LRFN2: variants seen among roughly 807,000 people sequenced by gnomAD.
The protein encoded by LRFN2 is leucine-rich repeat and fibronectin type-III domain-containing protein 2.
A neutral mutation model predicts 37.3 loss-of-function variants in LRFN2; 18 were observed. The ratio of observed to expected loss-of-function variants is 0.48; its 90% CI spans 0.33 to 0.72. The LOEUF is 0.72. LRFN2 is among the 30% of genes least tolerant of loss of function. The pLI, the probability that LRFN2 is intolerant of heterozygous loss-of-function variation, is 0.02. For synonymous variants in LRFN2, 556 were observed against 466.6 expected (o/e 1.19, Z -2.47); for missense variants, 1,006 against 1,060.7 (o/e 0.95, Z 0.72).
At chr6:40,489,873 C>T (rs989891565) in intron 1 of LRFN2, among the ~76,000 whole-genome samples, 8 of 152,170 alleles carry the variant, frequency 5.3e-5, no homozygotes, top group Admixed American at 1.3e-4. Flanking sequence ...TGCTGCACTC[C>T]GTAGGCATGC....
intron 1 of LRFN2, among the ~76,000 whole-genome samples, chr6:40,462,785 A>C (rs1764374298): frequency 6.6e-6 from 1 of 152,218 alleles, no homozygotes; most frequent in Non-Finnish European, 1.5e-5. Flanking sequence ...AGTGGAAGCC[A>C]GGTCAGTCTG....
chr6:40,506,601 G>A (rs1765546858), intron 1 of LRFN2, among the ~76,000 whole-genome samples: 5 of 152,076 alleles, frequency 3.3e-5, no homozygotes, highest in Admixed American at 2.6e-4. Flanking sequence ...GCATGCTGGC[G>A]GGTTCCCCAG....
At position 40,480,145 on chromosome 6, in the gene LRFN2, G is replaced by A. The variant is rs577374864; in HGVS notation, c.-18-47014C>T. 7.9e-5 allele frequency among the ~76,000 whole-genome samples: 12 copies of A among 152,268 alleles called. No homozygotes were observed. In the South Asian group the frequency reaches 2.5e-3, roughly 32 times the overall value. The stretch of plus-strand genomic sequence containing the variant: ...CTTATTTACTCTTTATACAGCACTG[G>A]GTATTATTATCCCTGTTTCTCAGAT... On this transcript the variant is annotated intron_variant, in intron 1 of 2. Coordinates refer to ENST00000338305, the MANE Select transcript of LRFN2 (RefSeq NM_020737.3).
At chr6:40,529,675 G>A (rs931902652) in intron 1 of LRFN2, among the ~76,000 whole-genome samples, 2 of 152,190 alleles carry the variant, frequency 1.3e-5, no homozygotes, top group Non-Finnish European at 2.9e-5. Flanking sequence ...ACTTGGAGCT[G>A]TCTGGGTTCA....
chr6:40,518,965 C>G (rs565897951), intron 1 of LRFN2, among the ~76,000 whole-genome samples: 17 of 152,032 alleles, frequency 1.1e-4, no homozygotes, highest in African/African-American at 4.1e-4. Flanking sequence ...GAGCTCAGCA[C>G]GTTCAGTGGG....
chr6:40,528,726 G>A lies in LRFN2; in HGVS notation c.-19+58215C>T, dbSNP rs575550346. 9.2e-5 allele frequency among the ~76,000 whole-genome samples: 14 copies of A among 152,112 alleles called. No individual in the cohort carries two copies. The South Asian group carries it at 1.9e-3, about 20-fold the overall frequency. ...AGTGTACTGAATGCTAATTGCCTTC[G>A]CATCATTGTAAAGTCAGAAATCCTA... On this transcript the variant is annotated intron_variant, in intron 1 of 2. Coordinates refer to ENST00000338305, the MANE Select transcript of LRFN2 (RefSeq NM_020737.3).
chr6:40,474,028 A>G (rs886757796), intron 1 of LRFN2, among the ~76,000 whole-genome samples: 2 of 152,138 alleles, frequency 1.3e-5, no homozygotes, highest in Admixed American at 6.5e-5. Flanking sequence ...CAGTCATGCA[A>G]AATGGTCTTA....
At chr6:40,442,385 G>A (rs1376058109) in intron 1 of LRFN2, among the ~76,000 whole-genome samples, 2 of 152,190 alleles carry the variant, frequency 1.3e-5, no homozygotes, top group East Asian at 1.9e-4. Flanking sequence ...AGGAGGCTAG[G>A]TAGCATTAAA....
chr6:40,524,117 A>G (rs1484832535), intron 1 of LRFN2, among the ~76,000 whole-genome samples: 1 of 152,214 alleles, frequency 6.6e-6, no homozygotes, highest in Non-Finnish European at 1.5e-5. Flanking sequence ...ACTGGGGGAT[A>G]ATGTCCCCAT....
intron 2 of LRFN2, among the ~76,000 whole-genome samples, chr6:40,403,176 G>A (rs1030638437): frequency 3.3e-5 from 5 of 152,156 alleles, no homozygotes; most frequent in South Asian, 4.1e-4. Flanking sequence ...CTCTGGAGCC[G>A]GTGTCTCATA....
intron 1 of LRFN2, among the ~76,000 whole-genome samples, chr6:40,471,538 A>T (rs1764595175): frequency 1.3e-5 from 2 of 152,124 alleles, no homozygotes; most frequent in Admixed American, 1.3e-4. Flanking sequence ...GCCCGGTTCA[A>T]ATTCCTGCTC....
chr6:40,498,380 A>G (rs1765285657), intron 1 of LRFN2, among the ~76,000 whole-genome samples: 1 of 152,214 alleles, frequency 6.6e-6, no homozygotes, highest in African/African-American at 2.4e-5. Context: ...TGCCAGGGCC[A>G]TTGGCGGAGA....
At chr6:40,399,600 G>A (rs891245177) in intron 2 of LRFN2, among the ~76,000 whole-genome samples, 6 of 151,228 alleles carry the variant, frequency 4.0e-5, no homozygotes, top group African/African-American at 1.2e-4. Context: ...ACCAAGCCTG[G>A]CTAATTTTTT....
intron 2 of LRFN2, among the ~76,000 whole-genome samples, chr6:40,422,084 T>A (rs543824515): frequency 2.6e-5 from 4 of 152,282 alleles, no homozygotes; most frequent in African/African-American, 9.6e-5. Flanking sequence ...GTAAAAAAAA[T>A]GGCTCCAGTG....
intron 2 of LRFN2, among the ~76,000 whole-genome samples, chr6:40,406,716 C>T (rs1762857348): frequency 6.6e-6 from 1 of 152,246 alleles, no homozygotes; most frequent in South Asian, 2.1e-4. Context: ...AATGCAACCC[C>T]ACAGCTGCCC....
chr6:40,446,916 ACTGGGGCTTC>A (rs1763982913), intron 1 of LRFN2, among the ~76,000 whole-genome samples: 2 of 145,426 alleles, frequency 1.4e-5, no homozygotes, highest in Admixed American at 1.4e-4. Context: ...TCTCCCTCAG[ACTGGGGCTTC>A]CTGAGGATGG....
intron 1 of LRFN2, among the ~76,000 whole-genome samples, chr6:40,549,866 C>A (rs1766736999): frequency 6.6e-6 from 1 of 152,044 alleles, no homozygotes; most frequent in Non-Finnish European, 1.5e-5. Flanking sequence ...GGCAAAAAAA[C>A]CCATCTCTAC....
chr6:40,392,132 C>T lies in LRFN2; in HGVS notation c.2181G>A (p.Gly727=), dbSNP rs767010763. The T allele has an allele frequency of 3.1e-6, 5 of 1,612,280 alleles. No individual in the cohort carries two copies. The highest frequency in any genetic ancestry group is 1.7e-5 in the Admixed American group (1 of 59,834). ...KAKRSHSFDM[G]DFAAAAAGGV... ...CTCCCGCCGCCGCAGCAGCAAAGTC[C>T]CCCATGTCGAAGGAGTGGCTGCGTT... The change falls in exon 3 of 3, where the codon GGG becomes GGA. Residue 727 remains glycine (G), a synonymous_variant. Transcript: ENST00000338305. The surrounding 1 kb of genome is among the most constrained non-coding windows in gnomAD (Gnocchi z 4.7).
intron 1 of LRFN2, among the ~76,000 whole-genome samples, chr6:40,554,034 T>C (rs1180643567): frequency 6.6e-6 from 1 of 152,200 alleles, no homozygotes; most frequent in Non-Finnish European, 1.5e-5. Flanking sequence ...AGAGAAGGAA[T>C]CACTGTCAAC....
Sources: gnomAD v4.1 joint callset for allele counts (sites outside exome capture counted in the v4.1 genomes callset) on GRCh38, gnomAD v4.1.1 for gene constraint, Gnocchi (gnomAD v3.1) non-coding constraint, MANE v1.5 for transcripts, NCBI Gene and HGNC (gene_info 2026-07-23, HGNC 2026-07-21) for gene names.